The following COMMD10 variants were observed in gnomAD, a reference collection of about 807,000 sequenced individuals.
COMMD10 encodes COMM domain-containing protein 10.
A neutral mutation model predicts 28.9 loss-of-function variants in COMMD10; 33 were observed. The observed-to-expected ratio is 1.14, with a 90% CI of 0.87 to 1.53. The LOEUF is 1.53. Ranked by LOEUF, COMMD10 falls within the 40% of genes most tolerant of loss-of-function variation. The probability of loss-of-function intolerance (pLI) is 0.00; values close to 1 mark genes in which losing one functional copy is unlikely to be tolerated. For missense variants in COMMD10, 310 were observed against 233.4 expected (o/e 1.33, Z -2.14); for synonymous variants, 110 against 81.7 (o/e 1.35, Z -1.87).
At chr5:116,149,516 T>C (rs1193255903) in intron 5 of COMMD10, among the ~76,000 whole-genome samples, 2 of 145,150 alleles carry the variant, frequency 1.4e-5, no homozygotes, top group African/African-American at 5.2e-5. Flanking sequence ...CTCCAGCACC[T>C]GTTGTTTCCT....
At chr5:116,115,356 C>G (rs531283910) in intron 4 of COMMD10, among the ~76,000 whole-genome samples, 6 of 152,286 alleles carry the variant, frequency 3.9e-5, no homozygotes, top group Non-Finnish European at 7.4e-5. Context: ...CTGCCCTGTC[C>G]ACATTAGCTG....
At chr5:116,169,368 CA>C (rs907763719) in intron 5 of COMMD10, among the ~76,000 whole-genome samples, 18 of 151,566 alleles carry the variant, frequency 1.2e-4, no homozygotes, top group African/African-American at 4.4e-4. Flanking sequence ...GGCTACCAAC[CA>C]AAAAAAAGCC....
chr5:116,259,479 C>T (rs779320932), intron 5 of COMMD10, among the ~76,000 whole-genome samples: 3 of 150,956 alleles, frequency 2.0e-5, no homozygotes, highest in Non-Finnish European at 4.4e-5. Flanking sequence ...AGTGTTATTT[C>T]TTCAATATGT....
chr5:116,098,548 T>G (rs1750542022), intron 4 of COMMD10, among the ~76,000 whole-genome samples: 1 of 152,244 alleles, frequency 6.6e-6, no homozygotes, highest in African/African-American at 2.4e-5. Context: ...TGATGTGTTG[T>G]CATTGTATTA....
chr5:116,247,992 T>G (rs1749998610), intron 5 of COMMD10, among the ~76,000 whole-genome samples: 2 of 151,928 alleles, frequency 1.3e-5, no homozygotes. Context: ...TATCAAAATT[T>G]TATGCAATAC....
At chr5:116,218,630 T>A (rs9326998) in intron 5 of COMMD10, among the ~76,000 whole-genome samples, 109,740 of 151,936 alleles carry the variant, frequency 0.72, 41,884 homozygotes, top group South Asian at 0.85. Flanking sequence ...AGCTTCCCTA[T>A]TCCCTGTTTG....
At chr5:116,102,587 G>C (rs62384697) in intron 4 of COMMD10, among the ~76,000 whole-genome samples, 16,072 of 152,118 alleles carry the variant, frequency 0.11, 941 homozygotes, top group African/African-American at 0.15. Flanking sequence ...TCCTAATTTA[G>C]TGAAAAATGA....
At chr5:116,185,165 G>T (rs1377886229) in intron 5 of COMMD10, among the ~76,000 whole-genome samples, 1 of 151,990 alleles carries the variant, frequency 6.6e-6, no homozygotes, top group African/African-American at 2.4e-5. Context: ...TCTTTATATT[G>T]TCTTAACCTA....
chr5:116,284,981 A>G (rs1751178941), intron 5 of COMMD10, among the ~76,000 whole-genome samples: 1 of 151,928 alleles, frequency 6.6e-6, no homozygotes, highest in Non-Finnish European at 1.5e-5. Flanking sequence ...CACTTAATTG[A>G]TGGATAAAAC....
intron 5 of COMMD10, among the ~76,000 whole-genome samples, chr5:116,164,052 C>G (rs1753011888): frequency 6.6e-6 from 1 of 152,070 alleles, no homozygotes; most frequent in Non-Finnish European, 1.5e-5. Context: ...CCTGGTGGCT[C>G]ACGTCTGTAA....
At chr5:116,163,690 G>T (rs1212990300) in intron 5 of COMMD10, among the ~76,000 whole-genome samples, 2 of 151,982 alleles carry the variant, frequency 1.3e-5, no homozygotes, top group Non-Finnish European at 2.9e-5. Context: ...TTAATTTTAT[G>T]GTATGGCATT....
chr5:116,254,648 C>T (rs1346895600), intron 5 of COMMD10, among the ~76,000 whole-genome samples: 1 of 151,772 alleles, frequency 6.6e-6, no homozygotes, highest in Non-Finnish European at 1.5e-5. Context: ...TTTGATTGCA[C>T]TGTGGTCTGA....
chr5:116,158,080 C>A (rs1752781079), intron 5 of COMMD10, among the ~76,000 whole-genome samples: 1 of 151,000 alleles, frequency 6.6e-6, no homozygotes. Flanking sequence ...GTTAACTCTC[C>A]AAGGCCTTCA....
rs191969266 is a variant in COMMD10, at chr5:116,267,635, T to C, written c.511-23882T>C. On this transcript the variant is annotated intron_variant, in intron 5 of 6. Transcript: ENST00000274458. ...TATGGAACCAAAAAAGAGCCTGCAT[T>C]GCCAAGACAATCATAAGCCAAAAGA... Among the ~76,000 whole-genome samples, 1,495 of 151,958 alleles carry C rather than the reference T, an allele frequency of 9.8e-3. 15 individuals are homozygous for C. Among genetic ancestry groups the C allele is most frequent in the Non-Finnish European group, 0.013 (854 of 68,006 alleles).
intron 5 of COMMD10, among the ~76,000 whole-genome samples, chr5:116,262,138 TTTCCTC>T (rs1198427203): frequency 6.6e-6 from 1 of 151,668 alleles, no homozygotes; most frequent in Non-Finnish European, 1.5e-5. Flanking sequence ...AGCTGGTACT[TTTCCTC>T]TTTAGATGCT....
At chr5:116,199,653 T>C (rs1026832435) in intron 5 of COMMD10, among the ~76,000 whole-genome samples, 2 of 152,326 alleles carry the variant, frequency 1.3e-5, no homozygotes, top group South Asian at 2.1e-4. Flanking sequence ...GTTTCTGACC[T>C]GTCTCCTTTA....
At chr5:116,141,895 G>A (rs967957052) in intron 5 of COMMD10, among the ~76,000 whole-genome samples, 2 of 151,666 alleles carry the variant, frequency 1.3e-5, no homozygotes, top group Non-Finnish European at 2.9e-5. Flanking sequence ...TTTAAATGTA[G>A]GATAATGTCA....
At chr5:116,256,769 T>C (rs975078258) in intron 5 of COMMD10, among the ~76,000 whole-genome samples, 1 of 151,804 alleles carries the variant, frequency 6.6e-6, no homozygotes, top group Admixed American at 6.6e-5. Flanking sequence ...TGTAATATTT[T>C]GAATAATTTT....
At chr5:116,157,426 G>A (rs920715278) in intron 5 of COMMD10, among the ~76,000 whole-genome samples, 10 of 152,118 alleles carry the variant, frequency 6.6e-5, no homozygotes, top group Non-Finnish European at 7.4e-5. Flanking sequence ...GCAGTTTGCC[G>A]GGTCTAGTTT....
Sources: gnomAD v4.1 joint callset for allele counts (sites outside exome capture counted in the v4.1 genomes callset) on GRCh38, gnomAD v4.1.1 for gene constraint, MANE v1.5 for transcripts, NCBI Gene and HGNC (gene_info 2026-07-23, HGNC 2026-07-21) for gene names.